Variants in BUB1B observed in about 807,000 individuals in gnomAD.
BUB1B encodes the protein mitotic checkpoint serine/threonine-protein kinase BUB1 beta.
BUB1B carries 86 observed loss-of-function variants against 137.7 expected under a neutral mutation model. That is an observed-to-expected ratio of 0.62 (90% confidence interval 0.52 to 0.75). The LOEUF (loss-of-function observed/expected upper bound fraction) is 0.75, where lower values mean the gene tolerates loss of function less well. Among genes scored for constraint, BUB1B ranks in the 30% least tolerant of loss-of-function variants. The probability of loss-of-function intolerance (pLI) is 0.00; values close to 1 mark genes in which losing one functional copy is unlikely to be tolerated. For missense variants in BUB1B, 1,130 were observed against 1,236.9 expected (o/e 0.91, Z 1.30); for synonymous variants, 420 against 417.9 (o/e 1.00, Z -0.06).
At chr15:40,176,722 A>G (rs1337204949) in intron 5 of BUB1B, 49 bp downstream of exon 5, 5 of 1,579,506 alleles carry the variant, frequency 3.2e-6, no homozygotes, top group Non-Finnish European at 4.3e-6. Context: ...ATAGAAATAA[A>G]TTATCTCTTT....
rs762790673 is a variant in BUB1B, at chr15:40,176,686, T to A, written c.581+13T>A. 1 of 1,612,884 alleles carries A rather than the reference T, an allele frequency of 6.2e-7. No homozygotes were observed. On this transcript the variant is annotated intron_variant, in intron 5 of 22. Transcript: ENST00000287598. ...AGTCCCAGCACCGGTAAACTTTCTT[T>A]GGAGCTTGTCTTAACTCTAAAAATA...
chr15:40,196,881 G>T, intron 9 of BUB1B, 107 bp downstream of exon 9: 1 of 1,018,742 alleles, frequency 9.8e-7, no homozygotes. Context: ...ACCTTTGTAT[G>T]ATGTTTCTAT....
chr15:40,198,591 T>G (rs184151769), intron 9 of BUB1B, among the ~76,000 whole-genome samples: 149 of 152,268 alleles, frequency 9.8e-4, no homozygotes, highest in Non-Finnish European at 1.8e-3. Context: ...ACACAAAGGT[T>G]GTTTTTTCTT....
At chr15:40,206,527 T>G (rs1299563404) in intron 15 of BUB1B, 69 bp downstream of exon 15, 7 of 1,593,208 alleles carry the variant, frequency 4.4e-6, no homozygotes, top group Non-Finnish European at 6.0e-6. Flanking sequence ...GCTTGTCAGT[T>G]ACAGTAATCA....
At chr15:40,174,318 A>G (rs2037199711) in intron 4 of BUB1B, among the ~76,000 whole-genome samples, 1 of 152,266 alleles carries the variant, frequency 6.6e-6, no homozygotes, top group South Asian at 2.1e-4. Context: ...AATAAGCAAG[A>G]AAAATCCATT....
chr15:40,199,532 TGAG>T (rs1381873010), intron 9 of BUB1B, 80 bp from the exon 10 acceptor site: 4 of 967,946 alleles, frequency 4.1e-6, no homozygotes, highest in Non-Finnish European at 6.6e-6. Context: ...ACATATATGT[TGAG>T]GAGATGAGCT....
chr15:40,165,122 G>A lies in BUB1B; in HGVS notation c.105G>A (p.Gly35=). 1 of 1,614,156 alleles carries A rather than the reference G, an allele frequency of 6.2e-7. No individual in the cohort carries two copies. Reference sequence around the variant, plus strand: ...AAAATGTACAACCTTTAAGGCAAGGGCGGATCATGTCCACGCTTCAGGGAG... The same window carrying A: ...AAAATGTACAACCTTTAAGGCAAGGACGGATCATGTCCACGCTTCAGGGAG... ...SKENVQPLRQ[G]RIMSTLQGAL... Residue 35 remains glycine (G), a synonymous_variant, in exon 2 of 23, where the codon GGG becomes GGA. Transcript: ENST00000287598.
At chr15:40,167,575 A>G (rs1024090102) in intron 2 of BUB1B, among the ~76,000 whole-genome samples, 5 of 152,032 alleles carry the variant, frequency 3.3e-5, no homozygotes, top group East Asian at 1.9e-4. Flanking sequence ...TTCTGACCTC[A>G]GGTGATCCGC....
At chr15:40,177,971 T>C (rs982008284) in intron 5 of BUB1B, among the ~76,000 whole-genome samples, 3 of 151,978 alleles carry the variant, frequency 2.0e-5, no homozygotes, top group Non-Finnish European at 1.5e-5. Flanking sequence ...TTATGTCTTC[T>C]CAGTCTGGCT....
chr15:40,213,624 C>T (rs2037741107), intron 20 of BUB1B, 150 bp downstream of exon 20: 10 of 849,346 alleles, frequency 1.2e-5, no homozygotes, highest in Admixed American at 2.1e-5. Flanking sequence ...CAGCCTCCAT[C>T]TCCCAGGTTC....
intron 1 of BUB1B, among the ~76,000 whole-genome samples, chr15:40,163,332 G>C (rs918062912): frequency 6.6e-6 from 1 of 152,146 alleles, no homozygotes; most frequent in Admixed American, 6.5e-5. Flanking sequence ...CCAGCACTTC[G>C]GGAGGCTGAG....
intron 8 of BUB1B, among the ~76,000 whole-genome samples, chr15:40,195,447 G>A (rs1024741381): frequency 3.3e-5 from 5 of 152,154 alleles, no homozygotes; most frequent in African/African-American, 1.2e-4. Flanking sequence ...AAATATGCAT[G>A]TGCAAGTATC....
At chr15:40,170,468 G>A in intron 3 of BUB1B, 69 bp from the exon 4 acceptor site, 1 of 1,556,852 alleles carries the variant, frequency 6.4e-7, no homozygotes, top group Non-Finnish European at 8.8e-7. Context: ...ATCCAGAATG[G>A]GTCTTGGAGC....
chr15:40,195,080 C>T (rs1367653090), intron 8 of BUB1B, among the ~76,000 whole-genome samples: 5 of 152,068 alleles, frequency 3.3e-5, no homozygotes, highest in East Asian at 3.8e-4. Context: ...TTGGTGCACC[C>T]GTCACCTGAG....
intron 8 of BUB1B, among the ~76,000 whole-genome samples, chr15:40,186,656 A>G (rs1211236813): frequency 6.6e-6 from 1 of 150,686 alleles, no homozygotes; most frequent in East Asian, 1.9e-4. Context: ...CGTGTTAGCC[A>G]GGATGGTCTC....
At chr15:40,202,492 T>C in intron 13 of BUB1B, 27 bp downstream of exon 13, 1 of 1,602,620 alleles carries the variant, frequency 6.2e-7, no homozygotes, top group Non-Finnish European at 8.5e-7. Context: ...TTTTTTTGGT[T>C]TTTTTTTACT....
At chr15:40,201,687 G>A (rs2037571022) in intron 12 of BUB1B, among the ~76,000 whole-genome samples, 1 of 152,036 alleles carries the variant, frequency 6.6e-6, no homozygotes, top group South Asian at 2.1e-4. Flanking sequence ...ATTTTTTTGA[G>A]ACTGAGTCTC....
In BUB1B at chr15:40,202,249, T is replaced by C; in HGVS notation, c.1568-156T>C. 3 of 668,366 alleles carry C rather than the reference T, an allele frequency of 4.5e-6. No individual in the cohort carries two copies. The South Asian group carries it at 5.5e-5, about 12-fold the overall frequency. The allele number at this position is 668,366 out of a possible 1,614,324, so 41.4% of individuals were successfully genotyped here. A position where few individuals can be genotyped will look rare whatever the true frequency, so the allele number is the denominator to read the frequency against. ...CTAAGTTTAGGTAATTGGTAAATTGTTTAATGACCTTTTATATGTTTGAAG... is the reference window on the plus strand; with the variant it reads ...CTAAGTTTAGGTAATTGGTAAATTGCTTAATGACCTTTTATATGTTTGAAG... On this transcript the variant is annotated intron_variant, in intron 12 of 22. Coordinates refer to ENST00000287598, the MANE Select transcript of BUB1B (RefSeq NM_001211.6).
In BUB1B at chr15:40,210,110, G is replaced by A; in HGVS notation, c.2285G>A (p.Gly762Asp). 2.5e-6 allele frequency: 4 copies of A among 1,599,970 alleles called. No individual in the cohort carries two copies. Among genetic ancestry groups the A allele is most frequent in the Non-Finnish European group, 3.4e-6 (4 of 1,167,608 alleles). The stretch of plus-strand genomic sequence containing the variant: ...AAATGGAATCAAACTTTCTCAACAG[G>A]TAATGAGGATTACTGCATTAAACGA... ...KLEIEKEIEL[G>D]NEDYCIKREY... is the part of the protein sequence containing the mutation. Residue 762 changes from glycine (G) to aspartate (D), a missense_variant and splice_region_variant, in exon 18 of 23, where the codon GGT (glycine) becomes GAT (aspartate). Physicochemically the swap from Gly to Asp is moderately conservative, Grantham distance 94. Transcript: ENST00000287598.
Sources: allele counts gnomAD v4.1 joint callset (sites outside exome capture counted in the v4.1 genomes callset), GRCh38; gene constraint gnomAD v4.1.1; transcripts MANE v1.5; gene names NCBI Gene and HGNC (gene_info 2026-07-23, HGNC 2026-07-21).